VAT1L: variants seen among roughly 807,000 people sequenced by gnomAD.
VAT1L encodes putative NADPH-dependent quinone oxidoreductase VAT1L.
In VAT1L, 34 loss-of-function variants were observed where a neutral mutation model predicts 44.1. The observed-to-expected ratio is 0.77, with a 90% CI of 0.59 to 1.03. The LOEUF is 1.03. Ranked by LOEUF, VAT1L falls within the 50% of genes least tolerant of loss-of-function variation. The pLI, the probability that VAT1L is intolerant of heterozygous loss-of-function variation, is 0.00. For synonymous variants in VAT1L, 253 were observed against 202.2 expected (o/e 1.25, Z -2.13); for missense variants, 615 against 538.8 (o/e 1.14, Z -1.40).
At chr16:77,929,313 T>C (rs557081684) in intron 7 of VAT1L, among the ~76,000 whole-genome samples, 3 of 152,302 alleles carry the variant, frequency 2.0e-5, no homozygotes, top group South Asian at 2.1e-4. Flanking sequence ...TAGTGAAAGA[T>C]TGGCAACATT....
Position 77,977,993 on chromosome 16 carries a change from A to T in VAT1L, c.*298A>T. The T allele has an allele frequency of 3.3e-6, 1 of 305,580 alleles. No homozygotes were observed. The highest frequency in any genetic ancestry group is 6.3e-6 in the Non-Finnish European group (1 of 159,696). 18.9% of individuals were successfully genotyped at this position (305,580 alleles called of 1,614,324 possible). On this transcript the variant is annotated 3_prime_UTR_variant, in exon 9 of 9. Coordinates refer to ENST00000302536, the MANE Select transcript of VAT1L (RefSeq NM_020927.3). ...TAGAACAGCCTTGCAAATTAATACA[A>T]GTCCCAGGCCCAATGCCTAAGAGAC...
At chr16:77,955,065 T>G (rs1037053698) in intron 7 of VAT1L, among the ~76,000 whole-genome samples, 1 of 152,240 alleles carries the variant, frequency 6.6e-6, no homozygotes, top group South Asian at 2.1e-4. Context: ...TTGAGCTGTG[T>G]ACCACACACT....
chr16:77,804,335 G>T (rs545753684), intron 1 of VAT1L, among the ~76,000 whole-genome samples: 2 of 152,308 alleles, frequency 1.3e-5, no homozygotes, highest in South Asian at 4.1e-4. Flanking sequence ...AGTCAAAAGA[G>T]TTAGTCTCAG....
chr16:77,930,348 T>C (rs554257680), intron 7 of VAT1L, among the ~76,000 whole-genome samples: 1 of 152,156 alleles, frequency 6.6e-6, no homozygotes, highest in Non-Finnish European at 1.5e-5. Flanking sequence ...GCTTAGCTGT[T>C]TCCAAACAAT....
chr16:77,853,600 A>G (rs2142435266), intron 3 of VAT1L, among the ~76,000 whole-genome samples: 1 of 152,166 alleles, frequency 6.6e-6, no homozygotes, highest in East Asian at 1.9e-4. Context: ...CTTGAGCTGC[A>G]TCAGAATCCC....
intron 3 of VAT1L, among the ~76,000 whole-genome samples, chr16:77,827,524 T>C (rs955845546): frequency 6.6e-6 from 1 of 152,212 alleles, no homozygotes; most frequent in African/African-American, 2.4e-5. Context: ...CAATACTAAC[T>C]AAAGTGTAAA....
At chr16:77,955,296 C>T (rs1056459321) in intron 7 of VAT1L, among the ~76,000 whole-genome samples, 7 of 152,136 alleles carry the variant, frequency 4.6e-5, no homozygotes, top group Admixed American at 6.6e-5. Context: ...TTTGTCACAA[C>T]GGGGTAGCGC....
chr16:77,848,080 A>T (rs760836218), intron 3 of VAT1L, among the ~76,000 whole-genome samples: 2 of 152,238 alleles, frequency 1.3e-5, no homozygotes, highest in Non-Finnish European at 2.9e-5. Context: ...TTGTGGAAAT[A>T]TCAACAGGGA....
In VAT1L at chr16:77,854,138, A is replaced by G. The variant is rs1423712771; in HGVS notation, c.580-8610A>G. ...GTGAGACTCTGTCTCAAACGAAAAA[A>G]AAAAAATTGCCCATACTTATATTTT... On this transcript the variant is annotated intron_variant, in intron 3 of 8. Transcript: ENST00000302536. 5.3e-5 allele frequency among the ~76,000 whole-genome samples: 8 copies of G among 152,064 alleles called. No homozygotes were observed. In the East Asian group the frequency reaches 1.5e-3, roughly 29 times the overall value.
At chr16:77,862,982 T>A in intron 4 of VAT1L, 92 bp downstream of exon 4, 1 of 1,460,038 alleles carries the variant, frequency 6.8e-7, no homozygotes, top group South Asian at 1.3e-5. Context: ...ATAATAATAA[T>A]ATGTAGCAAA....
At chr16:77,928,433 A>G (rs2017692909) in intron 7 of VAT1L, among the ~76,000 whole-genome samples, 1 of 152,168 alleles carries the variant, frequency 6.6e-6, no homozygotes, top group African/African-American at 2.4e-5. Flanking sequence ...GGAGATGGTC[A>G]CTCATCTTTT....
chr16:77,850,271 G>A (rs115133407), intron 3 of VAT1L, among the ~76,000 whole-genome samples: 4 of 152,274 alleles, frequency 2.6e-5, no homozygotes, highest in Non-Finnish European at 4.4e-5. Context: ...AAGGCTGTAT[G>A]CACACTTCTC....
chr16:77,844,676 T>A (rs1211954116), intron 3 of VAT1L, among the ~76,000 whole-genome samples: 2 of 152,162 alleles, frequency 1.3e-5, no homozygotes. Flanking sequence ...CTGAAAGTGC[T>A]GGGATTACAG....
At chr16:77,932,125 A>G (rs1220579993) in intron 7 of VAT1L, among the ~76,000 whole-genome samples, 3 of 127,876 alleles carry the variant, frequency 2.3e-5, no homozygotes, top group African/African-American at 2.9e-5. Context: ...TTTTTTTGAG[A>G]TGGAGTCTCG....
intron 7 of VAT1L, among the ~76,000 whole-genome samples, chr16:77,955,002 A>T (rs779320324): frequency 2.0e-5 from 3 of 152,164 alleles, no homozygotes; most frequent in Non-Finnish European, 2.9e-5. Flanking sequence ...TAATGTAACC[A>T]CTTGAGTGTT....
At chr16:77,806,350 C>T (rs901366150) in intron 1 of VAT1L, among the ~76,000 whole-genome samples, 1 of 152,208 alleles carries the variant, frequency 6.6e-6, no homozygotes, top group East Asian at 1.9e-4. Context: ...GCTGAGACTA[C>T]AGGTGCCCAC....
intron 2 of VAT1L, among the ~76,000 whole-genome samples, chr16:77,820,810 CTT>C (rs1440430526): frequency 6.6e-6 from 1 of 152,300 alleles, no homozygotes; most frequent in East Asian, 1.9e-4. Context: ...AATAAAGGCA[CTT>C]AGCGCAGATT....
intron 3 of VAT1L, among the ~76,000 whole-genome samples, chr16:77,855,629 G>C (rs1282376657): frequency 6.6e-6 from 1 of 152,138 alleles, no homozygotes; most frequent in Non-Finnish European, 1.5e-5. Context: ...TTTTATTAAT[G>C]TCTGTCATCT....
In VAT1L at chr16:77,811,539, G is replaced by A. The variant is rs150190805; in HGVS notation, c.234-5382G>A. On this transcript the variant is annotated intron_variant, in intron 1 of 8. Coordinates refer to ENST00000302536, the MANE Select transcript of VAT1L (RefSeq NM_020927.3). ...CAAGCTTGGCAGTCATATAAAAAGGGCTTATATTCCCAGTTCTGGTACGAA... is the reference window on the plus strand; with the variant it reads ...CAAGCTTGGCAGTCATATAAAAAGGACTTATATTCCCAGTTCTGGTACGAA... Among the ~76,000 whole-genome samples the A allele has an allele frequency of 8.8e-3, 1,346 of 152,178 alleles. 11 individuals carry two copies. The highest frequency in any genetic ancestry group is 0.014 in the Admixed American group (209 of 15,284).
Sources: allele counts gnomAD v4.1 joint callset (sites outside exome capture counted in the v4.1 genomes callset), GRCh38; gene constraint gnomAD v4.1.1; transcripts MANE v1.5; gene names NCBI Gene and HGNC (gene_info 2026-07-23, HGNC 2026-07-21).